AFF2: variants seen among roughly 807,000 people sequenced by gnomAD.
The protein encoded by AFF2 is ALF transcription elongation factor 2.
A neutral mutation model predicts 76.9 loss-of-function variants in AFF2; 14 were observed. The observed-to-expected ratio is 0.18, with a 90% CI of 0.12 to 0.28. AFF2 has a LOEUF of 0.28. Among genes scored for constraint, AFF2 ranks in the 10% least tolerant of loss-of-function variants. The pLI, the probability that AFF2 is intolerant of heterozygous loss-of-function variation, is 1.00. For synonymous variants in AFF2, 398 were observed against 366.7 expected, an observed-to-expected ratio of 1.09 and a Z score of -0.98; for missense variants, 868 against 1,001.1, an observed-to-expected ratio of 0.87 and a Z score of 1.79.
intron 8 of AFF2, among the ~76,000 whole-genome samples, chrX:148,890,465 A>G (rs1353168673): frequency 8.9e-6 from 1 of 112,287 alleles, no homozygotes; most frequent in Non-Finnish European, 1.9e-5. Context: ...TCCATAGGGA[A>G]ATAGACATAG....
intron 1 of AFF2, among the ~76,000 whole-genome samples, chrX:148,529,114 C>T (rs1157659871): frequency 1.8e-5 from 2 of 111,929 alleles, no homozygotes; most frequent in African/African-American, 6.5e-5. Flanking sequence ...ATAAACAAGC[C>T]AGTAAAAATA....
At chrX:148,501,802 C>T (rs1557231915) in intron 1 of AFF2, among the ~76,000 whole-genome samples, 1 of 112,912 alleles carries the variant, frequency 8.9e-6, no homozygotes, top group African/African-American at 3.2e-5. Context: ...AGTTGGCCCC[C>T]CAAATCCGCA....
intron 1 of AFF2, among the ~76,000 whole-genome samples, chrX:148,631,983 T>C (rs1376533981): frequency 8.9e-6 from 1 of 111,809 alleles, no homozygotes; most frequent in Non-Finnish European, 1.9e-5. Flanking sequence ...ACATGTGTCT[T>C]AGTGTCTATT....
At chrX:148,873,028 G>C (rs190964153) in intron 7 of AFF2, among the ~76,000 whole-genome samples, 1 of 111,470 alleles carries the variant, frequency 9.0e-6, no homozygotes, top group Admixed American at 9.5e-5. Flanking sequence ...CCCTCACATC[G>C]TATTAGAGCA....
intron 9 of AFF2, among the ~76,000 whole-genome samples, chrX:148,936,011 G>A (rs1603343229): frequency 9.0e-6 from 1 of 110,810 alleles, no homozygotes. Context: ...TTCTTGCCTA[G>A]AGATCTAATT....
At chrX:148,581,840 A>G (rs1319420696) in intron 1 of AFF2, among the ~76,000 whole-genome samples, 1 of 112,109 alleles carries the variant, frequency 8.9e-6, no homozygotes, top group Non-Finnish European at 1.9e-5. Flanking sequence ...TAACATTGGT[A>G]CTAATCTATC....
At chrX:148,671,490 A>T (rs1031576091) in intron 3 of AFF2, among the ~76,000 whole-genome samples, 65 of 111,736 alleles carry the variant, frequency 5.8e-4, no homozygotes, top group Non-Finnish European at 3.4e-4. Flanking sequence ...TCACATGAGG[A>T]GATTAGACTA....
chrX:148,710,717 T>C (rs1365364148), intron 3 of AFF2, among the ~76,000 whole-genome samples: 2 of 112,176 alleles, frequency 1.8e-5, no homozygotes, highest in Non-Finnish European at 3.8e-5. Context: ...CTCATGTAGA[T>C]AATTTGCACA....
chrX:148,839,624 C>G (rs1987003188), intron 5 of AFF2, among the ~76,000 whole-genome samples: 1 of 111,592 alleles, frequency 9.0e-6, no homozygotes, highest in Non-Finnish European at 1.9e-5. Context: ...ACTGATGCCC[C>G]AGTTCAAATT....
chrX:148,820,202 A>C (rs909052680), intron 4 of AFF2, among the ~76,000 whole-genome samples: 1 of 111,583 alleles, frequency 9.0e-6, no homozygotes, highest in Non-Finnish European at 1.9e-5. Context: ...CTATAAATCA[A>C]TTTTGAGGGA....
At chrX:148,790,596 C>G (rs1557269857) in intron 3 of AFF2, among the ~76,000 whole-genome samples, 1 of 110,144 alleles carries the variant, frequency 9.1e-6, no homozygotes. Flanking sequence ...GAACAGAAAA[C>G]CAAACACTGC....
At chrX:148,764,957 G>C (rs1339564063) in intron 3 of AFF2, among the ~76,000 whole-genome samples, 1 of 112,532 alleles carries the variant, frequency 8.9e-6, no homozygotes, top group African/African-American at 3.2e-5. Flanking sequence ...GCAGGGGCAG[G>C]TGTTGGCCAT....
chrX:148,771,145 G>C (rs1342794843), intron 3 of AFF2, among the ~76,000 whole-genome samples: 5 of 111,743 alleles, frequency 4.5e-5, no homozygotes, highest in Non-Finnish European at 9.4e-5. Flanking sequence ...AGAACACAAG[G>C]AAGCCCGCAT....
intron 3 of AFF2, among the ~76,000 whole-genome samples, chrX:148,720,079 C>T (rs1199650608): frequency 4.5e-5 from 5 of 111,310 alleles, no homozygotes; most frequent in South Asian, 7.5e-4. Flanking sequence ...TTTCAACTCT[C>T]ACTTTTTTTC....
Position 148,987,466 on chromosome X carries a change from C to T in AFF2, c.3723C>T (p.His1241=). 1 of 1,211,279 alleles carries T rather than the reference C, an allele frequency of 8.3e-7. No individual in the cohort carries two copies. ...TCACCATTCCCCAGCGCATTCACCA[C>T]ATGGCTGCCAGCCACGTCAACATCA... ...GPVTIPQRIH[H]MAASHVNITS... is the part of the protein sequence containing the mutation. The change falls in exon 20 of 21, where the codon CAC becomes CAT. Residue 1241 remains histidine, a synonymous_variant. Transcript: ENST00000370460.
chrX:148,802,791 A>T (rs1194913788), intron 3 of AFF2, among the ~76,000 whole-genome samples: 1 of 112,094 alleles, frequency 8.9e-6, no homozygotes, highest in Non-Finnish European at 1.9e-5. Flanking sequence ...GTGTGCTATG[A>T]TCTTTGAAGA....
In AFF2 at chrX:148,955,599, G is replaced by T; in HGVS notation, c.1558-4G>T. On this transcript the variant is annotated splice_polypyrimidine_tract_variant and splice_region_variant and intron_variant, in intron 10 of 20. Transcript: ENST00000370460. ...CATTCTTGCTGCTGTTTCTCAATCTGCAGCCTGAGCCACCCTCAACCAACA... is the reference window on the plus strand; with the variant it reads ...CATTCTTGCTGCTGTTTCTCAATCTTCAGCCTGAGCCACCCTCAACCAACA... The T allele has an allele frequency of 3.4e-6, 4 of 1,193,617 alleles. No homozygotes were observed. The highest frequency in any genetic ancestry group is 4.5e-6 in the Non-Finnish European group (4 of 888,049).
chrX:148,643,912 G>C (rs1557255054), intron 1 of AFF2, among the ~76,000 whole-genome samples: 1 of 111,533 alleles, frequency 9.0e-6, no homozygotes, highest in Admixed American at 9.5e-5. Context: ...GCTTTTAGAG[G>C]ACATTTAATT....
intron 2 of AFF2, among the ~76,000 whole-genome samples, chrX:148,655,300 T>TTC (rs1216082455): frequency 9.3e-6 from 1 of 107,815 alleles, no homozygotes; most frequent in Non-Finnish European, 1.9e-5. Context: ...TTTTTTTTTT[T>TTC]CTGAGATGGA....
Sources: gnomAD v4.1 joint callset for allele counts (sites outside exome capture counted in the v4.1 genomes callset) on GRCh38, gnomAD v4.1.1 for gene constraint, MANE v1.5 for transcripts, NCBI Gene and HGNC (gene_info 2026-07-23, HGNC 2026-07-21) for gene names.